JAK2: variants seen among roughly 807,000 people sequenced by gnomAD.
JAK2 encodes the protein tyrosine-protein kinase JAK2.
In JAK2, 86 loss-of-function variants were observed where a neutral mutation model predicts 139.3. The ratio of observed to expected loss-of-function variants is 0.62; its 90% CI spans 0.52 to 0.74. The LOEUF (loss-of-function observed/expected upper bound fraction) is 0.74, where lower values mean the gene tolerates loss of function less well. Among genes scored for constraint, JAK2 ranks in the 30% least tolerant of loss-of-function variants. JAK2 has a pLI of 0.00. For synonymous variants in JAK2, 490 were observed against 437.7 expected, an observed-to-expected ratio of 1.12 and a Z score of -1.49; for missense variants, 1,421 against 1,360.3, an observed-to-expected ratio of 1.04 and a Z score of -0.70.
chr9:5,126,498 A>C, intron 24 of JAK2, 52 bp downstream of exon 24: 1 of 1,246,586 alleles, frequency 8.0e-7, no homozygotes, highest in Non-Finnish European at 1.2e-6. Flanking sequence ...TTTACTTTTT[A>C]CTCAAGGACT....
rs138324060 is a variant in JAK2, at chr9:5,058,138, C to T, written c.1056+2350C>T. 1.1e-3 allele frequency among the ~76,000 whole-genome samples: 175 copies of T among 152,232 alleles called. 2 individuals carry two copies. The highest frequency in any genetic ancestry group is 3.9e-3 in the African/African-American group (160 of 41,544). On this transcript the variant is annotated intron_variant, in intron 8 of 24. Coordinates refer to ENST00000381652, the MANE Select transcript of JAK2 (RefSeq NM_004972.4). ...TACTTTTTGACAATTGTGAGTAATG[C>T]TGCTGTGAACATGGGTGTACAAATA... is the stretch of plus-strand genomic sequence containing the variant.
intron 22 of JAK2, chr9:5,114,306 C>T (rs778604839): frequency 2.9e-5 from 16 of 542,832 alleles, no homozygotes; most frequent in South Asian, 2.6e-4. Flanking sequence ...GACTTGGTCC[C>T]AGGCCAGTGG....
At chr9:5,035,373 A>C (rs1165773769) in intron 4 of JAK2, among the ~76,000 whole-genome samples, 1 of 152,176 alleles carries the variant, frequency 6.6e-6, no homozygotes, top group Non-Finnish European at 1.5e-5. Context: ...ATCCTCCCTA[A>C]CTCATTTTAT....
chr9:5,004,270 A>C (rs966862564), intron 2 of JAK2, among the ~76,000 whole-genome samples: 1 of 152,002 alleles, frequency 6.6e-6, no homozygotes, highest in Non-Finnish European at 1.5e-5. Context: ...CCTTTGACCA[A>C]CGTCTCCCAT....
chr9:5,101,419 C>T (rs181231966), intron 22 of JAK2, among the ~76,000 whole-genome samples: 1 of 152,370 alleles, frequency 6.6e-6, no homozygotes, highest in African/African-American at 2.4e-5. Context: ...CTCTGCAAGG[C>T]CTGCTGCCTT....
chr9:5,124,215 A>G (rs936065309), intron 23 of JAK2, among the ~76,000 whole-genome samples: 3 of 151,786 alleles, frequency 2.0e-5, no homozygotes, highest in African/African-American at 7.2e-5. Context: ...TTAGCTTAAT[A>G]AAGTCTCATT....
intron 4 of JAK2, among the ~76,000 whole-genome samples, chr9:5,034,288 A>G (rs1823396260): frequency 6.6e-6 from 1 of 152,182 alleles, no homozygotes; most frequent in Non-Finnish European, 1.5e-5. Flanking sequence ...ACACAATAAT[A>G]ATGGGAGACT....
At chr9:5,032,551 C>T (rs954541439) in intron 4 of JAK2, among the ~76,000 whole-genome samples, 4 of 152,194 alleles carry the variant, frequency 2.6e-5, no homozygotes, top group Non-Finnish European at 5.9e-5. Flanking sequence ...GACAAAACTT[C>T]CAGAGGAACA....
chr9:5,027,819 T>A (rs1822877400), intron 3 of JAK2, among the ~76,000 whole-genome samples: 1 of 152,222 alleles, frequency 6.6e-6, no homozygotes, highest in Non-Finnish European at 1.5e-5. Context: ...TCCTTATATG[T>A]CCAAGTTTTA....
chr9:5,072,298 G>T (rs535645205), intron 12 of JAK2, among the ~76,000 whole-genome samples, 194 bp from the exon 13 acceptor site: 1 of 152,188 alleles, frequency 6.6e-6, no homozygotes, highest in Non-Finnish European at 1.5e-5. Flanking sequence ...ATTAATCCTT[G>T]TTTTCTGTCT....
chr9:5,042,990 G>C (rs1184146063), intron 4 of JAK2, among the ~76,000 whole-genome samples: 2 of 152,242 alleles, frequency 1.3e-5, no homozygotes, highest in African/African-American at 4.8e-5. Flanking sequence ...AGCTGAGGGG[G>C]GTGGGCCGGC....
chr9:5,027,163 T>C (rs961778279), intron 3 of JAK2, among the ~76,000 whole-genome samples: 7 of 152,350 alleles, frequency 4.6e-5, no homozygotes, highest in Non-Finnish European at 8.8e-5. Flanking sequence ...TTTAAAAATA[T>C]CTGCTTGAAA....
At chr9:5,121,995 T>G (rs1270104178) in intron 22 of JAK2, among the ~76,000 whole-genome samples, 1 of 152,134 alleles carries the variant, frequency 6.6e-6, no homozygotes, top group East Asian at 1.9e-4. Context: ...ATGTAAAATT[T>G]GTAAAGACTA....
rs2130680230 is a variant in JAK2 at position 5,090,471 on chromosome 9, G to A, written c.2787G>A (p.Met929Ile). Residue 929 changes from methionine (M) to isoleucine (I), a missense_variant, in exon 21 of 25, where the codon ATG becomes ATA. Coordinates refer to ENST00000381652, the MANE Select transcript of JAK2 (RefSeq NM_004972.4). ...SAGRRNLKLI[M>I]EYLPYGSLRD... Reference sequence around the variant, plus strand: ...GTCGGCGTAATCTAAAATTAATTATGGAATATTTACCATATGGAAGTTTAC... The same window carrying A: ...GTCGGCGTAATCTAAAATTAATTATAGAATATTTACCATATGGAAGTTTAC... 1 of 1,562,532 alleles carries A rather than the reference G, an allele frequency of 6.4e-7. No individual in the cohort carries two copies.
intron 22 of JAK2, chr9:5,110,165 A>T (rs1222564145): frequency 6.6e-6 from 1 of 152,196 alleles, no homozygotes; most frequent in Non-Finnish European, 1.5e-5. Context: ...CCTGACTTCC[A>T]TCCGCCATAG....
chr9:5,098,788 G>C (rs1327311226), intron 22 of JAK2: 2 of 151,816 alleles, frequency 1.3e-5, no homozygotes, highest in African/African-American at 4.8e-5. Context: ...CTGCCTCCCG[G>C]GTTCACGCCA....
intron 4 of JAK2, chr9:5,041,053 T>C (rs1436212183): frequency 1.0e-5 from 7 of 685,374 alleles, no homozygotes; most frequent in East Asian, 5.8e-5. Flanking sequence ...CTCAGCGCCA[T>C]AGAGGGCGTC....
At chr9:5,077,153 T>C (rs1819360329) in intron 14 of JAK2, among the ~76,000 whole-genome samples, 1 of 151,326 alleles carries the variant, frequency 6.6e-6, no homozygotes, top group African/African-American at 2.4e-5. Flanking sequence ...TCATTTATTT[T>C]TAAAAACCAG....
chr9:4,992,201 T>A (rs1272657955), intron 2 of JAK2, among the ~76,000 whole-genome samples: 2 of 152,206 alleles, frequency 1.3e-5, no homozygotes, highest in Non-Finnish European at 2.9e-5. Flanking sequence ...ACTGGGATGT[T>A]AGCTGGGCTG....
Sources: gnomAD v4.1 joint callset for allele counts (sites outside exome capture counted in the v4.1 genomes callset) on GRCh38, gnomAD v4.1.1 for gene constraint, MANE v1.5 for transcripts, NCBI Gene and HGNC (gene_info 2026-07-23, HGNC 2026-07-21) for gene names.